Variants in GMPR observed in about 807,000 individuals in gnomAD.
The protein encoded by GMPR is GMP reductase 1.
GMPR carries 31 observed loss-of-function variants against 38.4 expected under a neutral mutation model. The observed-to-expected ratio is 0.81, with a 90% CI of 0.61 to 1.09. The LOEUF is 1.09. Among genes scored for constraint, GMPR ranks in the 50% least tolerant of loss-of-function variants. The pLI is 0.00. For synonymous variants in GMPR, 162 were observed against 173.3 expected (o/e 0.93, Z 0.51); for missense variants, 468 against 453.7 (o/e 1.03, Z -0.29).
chr6:16,263,489 G>A (rs1481891086), intron 4 of GMPR: 1 of 151,810 alleles, frequency 6.6e-6, no homozygotes, highest in Non-Finnish European at 1.5e-5. Flanking sequence ...AAGGAAGCAA[G>A]CCTAGAGAAA....
chr6:16,285,910 C>G, intron 7 of GMPR, 75 bp downstream of exon 7: 1 of 1,241,610 alleles, frequency 8.1e-7, no homozygotes, highest in Non-Finnish European at 1.2e-6. Context: ...AGCTGGCAAC[C>G]TGAATGAGGA....
chr6:16,269,094 A>C (rs1759330300), intron 4 of GMPR, among the ~76,000 whole-genome samples: 1 of 152,100 alleles, frequency 6.6e-6, no homozygotes, highest in African/African-American at 2.4e-5. Flanking sequence ...CAAAAAAACT[A>C]AAAAGAATGG....
chr6:16,275,692 C>A (rs1192122076), intron 5 of GMPR, among the ~76,000 whole-genome samples: 1 of 152,152 alleles, frequency 6.6e-6, no homozygotes, highest in African/African-American at 2.4e-5. Flanking sequence ...GATAATAGAA[C>A]AAAATAGGCT....
At chr6:16,266,670 G>C (rs923572408) in intron 4 of GMPR, among the ~76,000 whole-genome samples, 25 of 151,936 alleles carry the variant, frequency 1.6e-4, no homozygotes, top group African/African-American at 5.8e-4. Context: ...AATTAGCCGG[G>C]CGCAGTGGCG....
chr6:16,241,621 A>G (rs1368896138), intron 1 of GMPR, among the ~76,000 whole-genome samples: 2 of 152,192 alleles, frequency 1.3e-5, no homozygotes, highest in African/African-American at 4.8e-5. Flanking sequence ...GGATTGAGAC[A>G]AGACCTTTGT....
intron 4 of GMPR, among the ~76,000 whole-genome samples, chr6:16,265,851 C>T (rs1043344164): frequency 1.3e-5 from 2 of 152,268 alleles, no homozygotes; most frequent in Non-Finnish European, 2.9e-5. Flanking sequence ...TCGCTTGCTG[C>T]TGCTCGCTCT....
chr6:16,240,992 G>A (rs1000691787), intron 1 of GMPR, among the ~76,000 whole-genome samples: 1 of 151,986 alleles, frequency 6.6e-6, no homozygotes, highest in Non-Finnish European at 1.5e-5. Flanking sequence ...TGGCGTTGAG[G>A]GATCTAGTTA....
rs141036015 is a variant in GMPR, at chr6:16,290,587, A to G, written c.823A>G (p.Met275Val). 1.2e-6 allele frequency: 2 copies of G among 1,614,210 alleles called. No homozygotes were observed. Among genetic ancestry groups the G allele is most frequent in the Non-Finnish European group, 1.7e-6 (2 of 1,180,042 alleles). The change falls in exon 8 of 9, where the codon ATG becomes GTG. Residue 275 changes from methionine to valine, a missense_variant. Physicochemically the swap from Met to Val is conservative, Grantham distance 21. Transcript: ENST00000259727. Reference sequence around the variant, plus strand: ...CTACGGGATGAGCTCTGACACCGCCATGAACAAGCACGCAGGAGGAGTTGC... The same window carrying G: ...CTACGGGATGAGCTCTGACACCGCCGTGAACAAGCACGCAGGAGGAGTTGC... ...LFYGMSSDTA[M>V]NKHAGGVAEY...
rs1453049932 is a variant in GMPR, at chr6:16,250,319, C to G, written c.243C>G (p.Ser81=). The G allele has an allele frequency of 6.2e-7, 1 of 1,610,652 alleles. No individual in the cohort carries two copies. Among genetic ancestry groups the G allele is most frequent in the South Asian group, 1.1e-5 (1 of 91,000 alleles). Residue 81 remains serine, a synonymous_variant, in exon 3 of 9, where the codon TCC becomes TCG. Coordinates refer to ENST00000259727, the MANE Select transcript of GMPR (RefSeq NM_006877.4). ...SMFTAIHKHY[S]LDDWKLFATN... is the part of the protein sequence containing the mutation. Reference sequence around the variant, plus strand: ...TTACAGCAATTCATAAGCATTACTCCCTGGATGACTGGAAGCTCTTTGCCA... The same window carrying G: ...TTACAGCAATTCATAAGCATTACTCGCTGGATGACTGGAAGCTCTTTGCCA...
chr6:16,242,694 A>C (rs529094072), intron 1 of GMPR, among the ~76,000 whole-genome samples: 2 of 152,040 alleles, frequency 1.3e-5, no homozygotes, highest in Non-Finnish European at 2.9e-5. Flanking sequence ...GCTGGAGTAC[A>C]ATGGCGTGAT....
At chr6:16,261,556 T>A (rs1759086034) in intron 4 of GMPR, among the ~76,000 whole-genome samples, 1 of 152,002 alleles carries the variant, frequency 6.6e-6, no homozygotes, top group Non-Finnish European at 1.5e-5. Flanking sequence ...ATGGGGTGGA[T>A]AGGCAAAACA....
intron 5 of GMPR, among the ~76,000 whole-genome samples, chr6:16,277,972 G>A (rs1759504283): frequency 6.6e-6 from 1 of 152,124 alleles, no homozygotes. Flanking sequence ...GCTTGAATAA[G>A]GGGAGGTATG....
intron 4 of GMPR, 49 bp from the exon 5 acceptor site, chr6:16,274,366 T>C (rs761809814): frequency 8.5e-7 from 1 of 1,178,476 alleles, no homozygotes; most frequent in Non-Finnish European, 1.3e-6. Flanking sequence ...CTCACCTTTA[T>C]ACCAGCAATA....
Position 16,248,232 on chromosome 6 carries a change from CAAAAA to C in GMPR, c.207+1294_207+1298del, listed in dbSNP as rs774386979. Among the ~76,000 whole-genome samples the C allele has an allele frequency of 3.3e-3, 149 of 45,124 alleles. 2 individuals are homozygous for C. Among genetic ancestry groups the C allele is most frequent in the African/African-American group, 0.013 (144 of 11,032 alleles). 29.6% of individuals were successfully genotyped at this position (45,124 alleles called of 152,430 possible). On this transcript the variant is annotated intron_variant, in intron 2 of 8. Transcript: ENST00000259727. ...GTGACAGAGCAAGAAGACCCTGTCT[CAAAAA>C]AAAAAAAAAAAAAAAAAAAAAATTC...
At chr6:16,258,806 T>G (rs1759026050) in intron 4 of GMPR, among the ~76,000 whole-genome samples, 1 of 152,248 alleles carries the variant, frequency 6.6e-6, no homozygotes, top group African/African-American at 2.4e-5. Context: ...CATTCACATT[T>G]TTCCAGTGTT....
At chr6:16,241,244 G>A (rs1253725367) in intron 1 of GMPR, among the ~76,000 whole-genome samples, 2 of 152,190 alleles carry the variant, frequency 1.3e-5, no homozygotes, top group African/African-American at 4.8e-5. Flanking sequence ...CTGGCTGAGG[G>A]AGGAGGGTTT....
chr6:16,295,252 C>CG lies in GMPR; in HGVS notation c.*66_*67insG, dbSNP rs1759915112. 1 of 1,209,244 alleles carries CG rather than the reference C, an allele frequency of 8.3e-7. No homozygotes were observed. The highest frequency in any genetic ancestry group is 3.0e-5 in the Admixed American group (1 of 33,566). The allele number at this position is 1,209,244 out of a possible 1,614,324, so 74.9% of individuals were successfully genotyped here. A position where few individuals can be genotyped will look rare whatever the true frequency, so the allele number is the denominator to read the frequency against. On this transcript the variant is annotated 3_prime_UTR_variant, in exon 9 of 9. Transcript: ENST00000259727. ...CAAACCTGCTTTTCCCATCTCCCCCCAAGTCTGTTCCGTCAGAGCTTCTGG... is the reference window on the plus strand; with the variant it reads ...CAAACCTGCTTTTCCCATCTCCCCCCGAAGTCTGTTCCGTCAGAGCTTCTGG...
chr6:16,256,753 T>A (rs1399116718), intron 4 of GMPR, among the ~76,000 whole-genome samples: 1 of 152,170 alleles, frequency 6.6e-6, no homozygotes, highest in East Asian at 1.9e-4. Context: ...CTAAAACCCT[T>A]GTAGATAAGG....
At position 16,278,957 on chromosome 6, in the gene GMPR, T is replaced by C. The variant is rs1300113782; in HGVS notation, c.654+67T>C. ...GCCCCTGCTCCCTCGCTGCTCTTCTTTCACTGGCTGGGCATCCTGTGGGCA... is the reference window on the plus strand; with the variant it reads ...GCCCCTGCTCCCTCGCTGCTCTTCTCTCACTGGCTGGGCATCCTGTGGGCA... On this transcript the variant is annotated intron_variant, in intron 6 of 8. Coordinates refer to ENST00000259727, the MANE Select transcript of GMPR (RefSeq NM_006877.4). The C allele has an allele frequency of 1.1e-5, 10 of 952,144 alleles. No homozygotes were observed. The East Asian group carries it at 2.4e-4, about 23-fold the overall frequency. 59.0% of individuals were successfully genotyped at this position (952,144 alleles called of 1,614,324 possible).
Sources: allele counts gnomAD v4.1 joint callset (sites outside exome capture counted in the v4.1 genomes callset), GRCh38; gene constraint gnomAD v4.1.1; transcripts MANE v1.5; gene names NCBI Gene and HGNC (gene_info 2026-07-23, HGNC 2026-07-21).